The following ZMIZ1 variants were observed in gnomAD, a reference collection of about 807,000 sequenced individuals.
The protein encoded by ZMIZ1 is zinc finger MIZ domain-containing protein 1.
ZMIZ1 carries 17 observed loss-of-function variants against 113.9 expected under a neutral mutation model. The ratio of observed to expected loss-of-function variants is 0.15; its 90% CI spans 0.10 to 0.22. ZMIZ1 has a LOEUF of 0.22. ZMIZ1 is among the 10% of genes least tolerant of loss of function. The probability of loss-of-function intolerance (pLI) is 1.00; values close to 1 mark genes in which losing one functional copy is unlikely to be tolerated. For synonymous variants in ZMIZ1, 607 were observed against 603.1 expected (o/e 1.01, Z -0.09); for missense variants, 1,059 against 1,477.8 (o/e 0.72, Z 4.65).
At chr10:79,101,314 A>G (rs372471776) in intron 1 of ZMIZ1, among the ~76,000 whole-genome samples, 5 of 152,132 alleles carry the variant, frequency 3.3e-5, no homozygotes, top group Non-Finnish European at 5.9e-5. Flanking sequence ...ATGAGGGGGA[A>G]GTTCCTAGTC....
At position 79,271,308 on chromosome 10, in the gene ZMIZ1, G is replaced by C. The variant is rs370912094; in HGVS notation, c.281-5873G>C. 1.5e-4 allele frequency among the ~76,000 whole-genome samples: 23 copies of C among 152,354 alleles called. No individual in the cohort carries two copies. In the East Asian group the frequency reaches 3.7e-3, roughly 24 times the overall value. On this transcript the variant is annotated intron_variant, in intron 7 of 24. Coordinates refer to ENST00000334512, the MANE Select transcript of ZMIZ1 (RefSeq NM_020338.4). The stretch of plus-strand genomic sequence containing the variant: ...ACTGAGCGAGGCAGAAACACCAATC[G>C]TGGTGTAATGAGCATATGCAGGGAT...
intron 1 of ZMIZ1, among the ~76,000 whole-genome samples, chr10:79,112,615 G>A (rs745683870): frequency 6.6e-6 from 1 of 152,136 alleles, no homozygotes; most frequent in Non-Finnish European, 1.5e-5. Flanking sequence ...GCCCAGAGAG[G>A]GGAAGGTTGA....
intron 4 of ZMIZ1, among the ~76,000 whole-genome samples, chr10:79,185,412 T>C (rs1407921014): frequency 6.6e-6 from 1 of 152,246 alleles, no homozygotes; most frequent in Admixed American, 6.5e-5. Context: ...GGACATGTTT[T>C]GTTTTTTCTT....
chr10:79,254,910 G>A (rs1164310823), intron 7 of ZMIZ1, among the ~76,000 whole-genome samples: 3 of 152,238 alleles, frequency 2.0e-5, no homozygotes, highest in African/African-American at 4.8e-5. Context: ...TGCTGGGGAA[G>A]AAGGGCGTGT....
intron 7 of ZMIZ1, among the ~76,000 whole-genome samples, chr10:79,231,123 CA>C (rs1164606611): frequency 2.0e-5 from 3 of 152,218 alleles, no homozygotes; most frequent in African/African-American, 4.8e-5. Flanking sequence ...CAGAAGTGAT[CA>C]GGGGCACCAG....
intron 1 of ZMIZ1, among the ~76,000 whole-genome samples, chr10:79,102,008 G>A (rs1245091878): frequency 6.6e-6 from 1 of 152,206 alleles, no homozygotes; most frequent in African/African-American, 2.4e-5. Context: ...TGGCACCAGG[G>A]ACCTCACGTG....
At chr10:79,103,071 G>A (rs1012295602) in intron 1 of ZMIZ1, among the ~76,000 whole-genome samples, 1 of 152,134 alleles carries the variant, frequency 6.6e-6, no homozygotes, top group Non-Finnish European at 1.5e-5. Context: ...CGGCTGGGGT[G>A]GGGGAGGCGG....
chr10:79,311,304 G>GGGGGGGGGGGC (rs2132111656), intron 24 of ZMIZ1, 120 bp downstream of exon 24: 60 of 359,148 alleles, frequency 1.7e-4, no homozygotes, highest in East Asian at 5.3e-4. Flanking sequence ...TGGGCGGTGG[G>GGGGGGGGGGGC]AGGGCTTCAC....
intron 7 of ZMIZ1, among the ~76,000 whole-genome samples, chr10:79,248,335 C>G (rs529701355): frequency 6.6e-6 from 1 of 152,040 alleles, no homozygotes; most frequent in Non-Finnish European, 1.5e-5. Context: ...AGAGGTATGG[C>G]GCTTGATGAG....
At chr10:79,239,242 C>T (rs147433990) in intron 7 of ZMIZ1, among the ~76,000 whole-genome samples, 1 of 152,350 alleles carries the variant, frequency 6.6e-6, no homozygotes, top group Non-Finnish European at 1.5e-5. Flanking sequence ...TTGAGCCTTC[C>T]TTGGGCAACT....
intron 2 of ZMIZ1, among the ~76,000 whole-genome samples, chr10:79,121,936 G>A (rs967029578): frequency 6.6e-6 from 1 of 152,128 alleles, no homozygotes; most frequent in Admixed American, 6.5e-5. Flanking sequence ...ACCCATCAGA[G>A]TCTCCTAGAA....
chr10:79,217,159 C>T (rs1848766981), intron 7 of ZMIZ1, among the ~76,000 whole-genome samples: 1 of 152,232 alleles, frequency 6.6e-6, no homozygotes, highest in Admixed American at 6.5e-5. Flanking sequence ...CGCGGTGGCT[C>T]ACGCCTGTAA....
intron 5 of ZMIZ1, among the ~76,000 whole-genome samples, chr10:79,203,620 T>A (rs1346610804): frequency 1.3e-5 from 2 of 152,164 alleles, no homozygotes; most frequent in African/African-American, 4.8e-5. Flanking sequence ...GCTCTCAGCC[T>A]CTTTCCTCTT....
At chr10:79,116,166 C>G (rs2132313462) in intron 1 of ZMIZ1, among the ~76,000 whole-genome samples, 1 of 152,216 alleles carries the variant, frequency 6.6e-6, no homozygotes, top group Middle Eastern at 3.4e-3. Context: ...TGGGAGAAGC[C>G]TGGGTCCCCA....
chr10:79,083,910 G>T (rs1842732979), intron 1 of ZMIZ1, among the ~76,000 whole-genome samples: 1 of 152,070 alleles, frequency 6.6e-6, no homozygotes, highest in South Asian at 2.1e-4. Context: ...TCATAAGGTG[G>T]CCTTTTAACA....
intron 7 of ZMIZ1, among the ~76,000 whole-genome samples, chr10:79,242,751 T>G (rs1055340330): frequency 8.6e-5 from 13 of 151,806 alleles, no homozygotes; most frequent in Admixed American, 2.0e-4. Flanking sequence ...CGCACAAGTG[T>G]TGCTTCCAAT....
At chr10:79,206,461 T>A (rs1848320215) in intron 5 of ZMIZ1, among the ~76,000 whole-genome samples, 1 of 152,182 alleles carries the variant, frequency 6.6e-6, no homozygotes, top group Admixed American at 6.5e-5. Context: ...TTTGCATGGC[T>A]TTCCACGTGC....
At chr10:79,223,334 G>C (rs1475341561) in intron 7 of ZMIZ1, among the ~76,000 whole-genome samples, 1 of 152,230 alleles carries the variant, frequency 6.6e-6, no homozygotes, top group Non-Finnish European at 1.5e-5. Context: ...CCTTGCCCTT[G>C]AAATGCCAGC....
At chr10:79,258,222 G>A (rs976576345) in intron 7 of ZMIZ1, among the ~76,000 whole-genome samples, 8 of 152,024 alleles carry the variant, frequency 5.3e-5, no homozygotes, top group Admixed American at 1.3e-4. Flanking sequence ...TCTCTACTAA[G>A]AATCAAAACA....
Sources: gnomAD v4.1 joint callset for allele counts (sites outside exome capture counted in the v4.1 genomes callset) on GRCh38, gnomAD v4.1.1 for gene constraint, MANE v1.5 for transcripts, NCBI Gene and HGNC (gene_info 2026-07-23, HGNC 2026-07-21) for gene names.